KIAA1217: variants seen among roughly 807,000 people sequenced by gnomAD.
KIAA1217 encodes sickle tail protein homolog.
Under a neutral mutation model 163.9 loss-of-function variants are expected in KIAA1217, and 88 were observed. The observed-to-expected ratio is 0.54, with a 90% CI of 0.45 to 0.64. The LOEUF (loss-of-function observed/expected upper bound fraction) is 0.64. KIAA1217 is among the 30% of genes least tolerant of loss of function. The pLI is 0.00. For missense variants in KIAA1217, 2,372 were observed against 2,475.0 expected, an observed-to-expected ratio of 0.96 and a Z score of 0.88; for synonymous variants, 903 against 923.1, an observed-to-expected ratio of 0.98 and a Z score of 0.39.
At chr10:24,303,091 G>A (rs953157251) in intron 2 of KIAA1217, among the ~76,000 whole-genome samples, 4 of 152,122 alleles carry the variant, frequency 2.6e-5, no homozygotes, top group Admixed American at 2.0e-4. Context: ...ATAGTTCACT[G>A]CAGCCGCAAA....
intron 1 of KIAA1217, among the ~76,000 whole-genome samples, chr10:23,824,656 AAAATATATATAT>A (rs1352166291): frequency 2.4e-5 from 2 of 82,318 alleles, no homozygotes; most frequent in Non-Finnish European, 4.6e-5. Flanking sequence ...AAAAATAAAA[AAAATATATATAT>A]ATATATATAT....
intron 6 of KIAA1217, among the ~76,000 whole-genome samples, chr10:24,476,956 C>G (rs2064119583): frequency 6.6e-6 from 1 of 152,072 alleles, no homozygotes; most frequent in African/African-American, 2.4e-5. Flanking sequence ...CTAAACACTC[C>G]CCGCTAACTC....
chr10:24,395,806 G>T (rs11598957), intron 3 of KIAA1217, among the ~76,000 whole-genome samples: 32,007 of 151,830 alleles, frequency 0.21, 3,685 homozygotes, highest in Non-Finnish European at 0.27. Flanking sequence ...AAGTAGCTGG[G>T]ACTATAGGTG....
At chr10:23,907,280 A>T (rs1235910281) in intron 1 of KIAA1217, among the ~76,000 whole-genome samples, 1 of 149,138 alleles carries the variant, frequency 6.7e-6, no homozygotes, top group Non-Finnish European at 1.5e-5. Flanking sequence ...AGAGAAAGAG[A>T]ACCAATATGA....
chr10:23,825,209 C>T (rs1837843071), intron 1 of KIAA1217, among the ~76,000 whole-genome samples: 1 of 152,182 alleles, frequency 6.6e-6, no homozygotes, highest in Non-Finnish European at 1.5e-5. Flanking sequence ...AATTTTCTTT[C>T]TCCACTTGTA....
At chr10:24,052,859 C>G (rs967220420) in intron 2 of KIAA1217, among the ~76,000 whole-genome samples, 1 of 152,100 alleles carries the variant, frequency 6.6e-6, no homozygotes, top group African/African-American at 2.4e-5. Flanking sequence ...ACGAGCCTCT[C>G]TAGCTATCAA....
chr10:24,225,811 G>C (rs918928502), intron 2 of KIAA1217, among the ~76,000 whole-genome samples: 1 of 152,124 alleles, frequency 6.6e-6, no homozygotes, highest in Admixed American at 6.5e-5. Flanking sequence ...TTCTCACCTA[G>C]AATAATCTTC....
intron 2 of KIAA1217, among the ~76,000 whole-genome samples, chr10:24,231,939 A>G (rs1056251453): frequency 1.3e-5 from 2 of 152,032 alleles, no homozygotes; most frequent in Admixed American, 1.3e-4. Context: ...GACTACAGGC[A>G]TGTGCCACCA....
At chr10:24,115,070 A>T (rs373859919) in intron 2 of KIAA1217, among the ~76,000 whole-genome samples, 20 of 151,940 alleles carry the variant, frequency 1.3e-4, no homozygotes, top group African/African-American at 4.6e-4. Flanking sequence ...TTTCTACATC[A>T]TATTGCTTTG....
At chr10:24,114,112 CAG>C in intron 2 of KIAA1217, among the ~76,000 whole-genome samples, 1 of 152,188 alleles carries the variant, frequency 6.6e-6, no homozygotes, top group Non-Finnish European at 1.5e-5. Context: ...CTTGAGTCAG[CAG>C]AGAGTTTAAG....
At chr10:24,336,524 G>C (rs1400947377) in intron 2 of KIAA1217, among the ~76,000 whole-genome samples, 1 of 152,214 alleles carries the variant, frequency 6.6e-6, no homozygotes, top group Non-Finnish European at 1.5e-5. Context: ...GTGGATGTCT[G>C]TGTGTGTCCT....
chr10:24,370,093 A>G (rs60582627), intron 2 of KIAA1217, among the ~76,000 whole-genome samples: 26,838 of 151,780 alleles, frequency 0.18, 2,836 homozygotes, highest in South Asian at 0.3. Flanking sequence ...GTGAAACCCC[A>G]TCTCTACTAC....
chr10:23,980,536 C>T (rs1845719424), intron 1 of KIAA1217, among the ~76,000 whole-genome samples: 1 of 152,038 alleles, frequency 6.6e-6, no homozygotes, highest in South Asian at 2.1e-4. Context: ...AGGAGAGTGT[C>T]CCTCGGGTTT....
chr10:24,295,106 A>G (rs2040433429), intron 2 of KIAA1217, among the ~76,000 whole-genome samples: 1 of 151,918 alleles, frequency 6.6e-6, no homozygotes, highest in African/African-American at 2.4e-5. Flanking sequence ...TGAGGCTAAG[A>G]CCTCCTCTTC....
upstream of KIAA1217, among the ~76,000 whole-genome samples, chr10:24,204,016 C>A (rs1426832279): frequency 1.3e-5 from 2 of 152,152 alleles, no homozygotes; most frequent in Non-Finnish European, 2.9e-5. Flanking sequence ...ATAAAAGAAA[C>A]CATAATAAAA....
intron 2 of KIAA1217, among the ~76,000 whole-genome samples, chr10:24,335,093 T>TTA (rs1162813292): frequency 6.6e-6 from 1 of 152,124 alleles, no homozygotes; most frequent in African/African-American, 2.4e-5. Context: ...ATGATACTAA[T>TTA]ACATGCTACA....
intron 1 of KIAA1217, among the ~76,000 whole-genome samples, chr10:23,748,515 G>A (rs1334466109): frequency 7.8e-6 from 1 of 128,794 alleles, no homozygotes; most frequent in African/African-American, 3.1e-5. Flanking sequence ...GAGGAGAGGA[G>A]AGGAAAGGAA....
At chr10:24,438,936 T>C (rs545281511) in intron 5 of KIAA1217, among the ~76,000 whole-genome samples, 1 of 152,324 alleles carries the variant, frequency 6.6e-6, no homozygotes, top group Admixed American at 6.5e-5. Flanking sequence ...ATTTCTCACC[T>C]TCTAATTCAG....
At chr10:23,934,580 TATA>T (rs1843417643) in intron 1 of KIAA1217, among the ~76,000 whole-genome samples, 1 of 80,232 alleles carries the variant, frequency 1.2e-5, no homozygotes, top group Non-Finnish European at 2.0e-5. Context: ...TATATATATA[TATA>T]TATATATGTA....
Sources: allele counts gnomAD v4.1 joint callset (sites outside exome capture counted in the v4.1 genomes callset), GRCh38; gene constraint gnomAD v4.1.1; transcripts MANE v1.5; gene names NCBI Gene and HGNC (gene_info 2026-07-23, HGNC 2026-07-21).